Variants in TNNI3K observed in about 807,000 individuals in gnomAD.
TNNI3K encodes TNNI3 interacting kinase, also known as serine/threonine-protein kinase TNNI3K.
Under a neutral mutation model 114.5 loss-of-function variants are expected in TNNI3K, and 140 were observed. That is an observed-to-expected ratio of 1.22 (90% CI 1.07 to 1.41). The LOEUF (loss-of-function observed/expected upper bound fraction) is 1.41. Among genes scored for constraint, TNNI3K ranks in the 40% most tolerant of loss-of-function variants. TNNI3K has a pLI of 0.00. For missense variants in TNNI3K, 1,125 were observed against 1,007.6 expected, an observed-to-expected ratio of 1.12 and a Z score of -1.58; for synonymous variants, 347 against 347.5, an observed-to-expected ratio of 1.00 and a Z score of 0.02.
At chr1:74,466,254 C>T (rs1667676974) in intron 21 of TNNI3K, among the ~76,000 whole-genome samples, 1 of 152,174 alleles carries the variant, frequency 6.6e-6, no homozygotes, top group African/African-American at 2.4e-5. Context: ...CACACTATGA[C>T]AAAGTTTACC....
chr1:74,527,169 G>A (rs1646514734), intron 23 of TNNI3K, among the ~76,000 whole-genome samples: 1 of 152,144 alleles, frequency 6.6e-6, no homozygotes, highest in African/African-American at 2.4e-5. Context: ...AGTTTTACTA[G>A]CCCGTGCCAG....
chr1:74,297,958 T>C (rs996113046), intron 5 of TNNI3K, among the ~76,000 whole-genome samples: 1 of 152,174 alleles, frequency 6.6e-6, no homozygotes, highest in Non-Finnish European at 1.5e-5. Context: ...CTCCAAAGTC[T>C]GTTATTTGAC....
At chr1:74,395,284 C>G (rs1178773807) in intron 17 of TNNI3K, among the ~76,000 whole-genome samples, 1 of 151,988 alleles carries the variant, frequency 6.6e-6, no homozygotes, top group East Asian at 1.9e-4. Flanking sequence ...TGAGTCCCTT[C>G]TTTGGGTTTG....
intron 7 of TNNI3K, chr1:74,342,017 A>T (rs1660770357): frequency 6.6e-6 from 1 of 152,196 alleles, no homozygotes; most frequent in African/African-American, 2.4e-5. Flanking sequence ...CATTATTAAG[A>T]ATTATTCCAG....
chr1:74,362,981 C>T (rs1662050313), intron 11 of TNNI3K, among the ~76,000 whole-genome samples: 1 of 152,090 alleles, frequency 6.6e-6, no homozygotes, highest in Non-Finnish European at 1.5e-5. Flanking sequence ...AGGCTAATAA[C>T]ATAGCGACCT....
At chr1:74,525,405 C>T (rs1646490219) in intron 23 of TNNI3K, among the ~76,000 whole-genome samples, 1 of 152,112 alleles carries the variant, frequency 6.6e-6, no homozygotes, top group Admixed American at 6.5e-5. Flanking sequence ...TTAAGGACAG[C>T]AGCTAGGAAG....
At chr1:74,532,899 G>C (rs961438724) in intron 23 of TNNI3K, among the ~76,000 whole-genome samples, 9 of 152,002 alleles carry the variant, frequency 5.9e-5, no homozygotes, top group African/African-American at 2.2e-4. Context: ...CCTCACACCT[G>C]ATACAAAAAT....
At chr1:74,453,126 TA>T (rs1418419286) in intron 20 of TNNI3K, among the ~76,000 whole-genome samples, 2 of 152,114 alleles carry the variant, frequency 1.3e-5, no homozygotes, top group East Asian at 1.9e-4. Context: ...ACTAAATACT[TA>T]AAAAAGGTAA....
At chr1:74,371,157 T>G (rs1385829482) in intron 17 of TNNI3K, 1 of 151,924 alleles carries the variant, frequency 6.6e-6, no homozygotes, top group Non-Finnish European at 1.5e-5. Flanking sequence ...ACTTTCATTT[T>G]ATGATAGTCA....
chr1:74,462,574 TAAC>T (rs950898959), intron 20 of TNNI3K, among the ~76,000 whole-genome samples: 5 of 152,194 alleles, frequency 3.3e-5, no homozygotes, highest in South Asian at 4.1e-4. Flanking sequence ...GCTCCACACA[TAAC>T]AACAACAACA....
chr1:74,307,523 A>G (rs1206783706), intron 5 of TNNI3K, among the ~76,000 whole-genome samples: 3 of 152,228 alleles, frequency 2.0e-5, no homozygotes, highest in African/African-American at 7.2e-5. Flanking sequence ...AACCAACAAC[A>G]GTAATAAGGG....
At chr1:74,506,682 T>G (rs1422316876) in intron 23 of TNNI3K, among the ~76,000 whole-genome samples, 1 of 152,196 alleles carries the variant, frequency 6.6e-6, no homozygotes, top group Admixed American at 6.5e-5. Flanking sequence ...GAATCTGCAT[T>G]TTAACAAGAT....
At chr1:74,541,652 T>G (rs1646728137) in intron 24 of TNNI3K, 2 of 152,234 alleles carry the variant, frequency 1.3e-5, no homozygotes, top group Admixed American at 1.3e-4. Flanking sequence ...TTAATTTGTT[T>G]CTTAAAGAAG....
chr1:74,466,753 A>G (rs892486665), intron 21 of TNNI3K, among the ~76,000 whole-genome samples: 3 of 152,184 alleles, frequency 2.0e-5, no homozygotes, highest in African/African-American at 4.8e-5. Flanking sequence ...GGTCTTCATC[A>G]TGTTAGCAAG....
At chr1:74,497,024 T>A (rs1264169944) in intron 23 of TNNI3K, among the ~76,000 whole-genome samples, 1 of 152,186 alleles carries the variant, frequency 6.6e-6, no homozygotes, top group Non-Finnish European at 1.5e-5. Context: ...CAGATACATT[T>A]GGGATTAATT....
chr1:74,539,959 A>T (rs3911352), intron 23 of TNNI3K, among the ~76,000 whole-genome samples: 1 of 152,090 alleles, frequency 6.6e-6, no homozygotes, highest in Non-Finnish European at 1.5e-5. Flanking sequence ...TTCCTATTTT[A>T]CAGGTAAATA....
chr1:74,480,616 T>G (rs1287038855), intron 21 of TNNI3K: 1 of 717,136 alleles, frequency 1.4e-6, no homozygotes, highest in Admixed American at 2.0e-5. Flanking sequence ...AAGAACTGTC[T>G]GTGAGATTAG....
intron 20 of TNNI3K, among the ~76,000 whole-genome samples, chr1:74,457,557 G>T (rs2100710539): frequency 6.6e-6 from 1 of 152,292 alleles, no homozygotes; most frequent in South Asian, 2.1e-4. Flanking sequence ...TAAAAACAAT[G>T]AAGTAGAATC....
intron 21 of TNNI3K, chr1:74,471,199 AG>A (rs1011562092): frequency 5.0e-6 from 2 of 400,572 alleles, no homozygotes; most frequent in African/African-American, 2.1e-5. Context: ...AGCACTGAGC[AG>A]GGGGGCACGT....
Sources: allele counts gnomAD v4.1 joint callset (sites outside exome capture counted in the v4.1 genomes callset), GRCh38; gene constraint gnomAD v4.1.1; transcripts MANE v1.5; gene names NCBI Gene and HGNC (gene_info 2026-07-23, HGNC 2026-07-21).